Variants in GBP2 observed in about 807,000 individuals in gnomAD.
The protein encoded by GBP2 is guanylate-binding protein 2.
Under a neutral mutation model 60.8 loss-of-function variants are expected in GBP2, and 54 were observed. That is an observed-to-expected ratio of 0.89 (90% confidence interval 0.71 to 1.11). The LOEUF (loss-of-function observed/expected upper bound fraction) is 1.11, where lower values mean the gene tolerates loss of function less well. Among genes scored for constraint, GBP2 ranks in the 50% most tolerant of loss-of-function variants. The probability of loss-of-function intolerance (pLI) is 0.00; values close to 1 mark genes in which losing one functional copy is unlikely to be tolerated. For missense variants in GBP2, 665 were observed against 703.3 expected (o/e 0.95, Z 0.62); for synonymous variants, 243 against 256.5 (o/e 0.95, Z 0.50).
chr1:89,117,177 A>G lies in GBP2; in HGVS notation c.683T>C (p.Phe228Ser), dbSNP rs1464168932. ...GAAGACGAAGCACTTCCTCTTGGGGAAGAACTTTCGGATGCACAACCGAGG... is the reference window on the plus strand; with the variant it reads ...GAAGACGAAGCACTTCCTCTTGGGGGAGAACTTTCGGATGCACAACCGAGG... Reference protein sequence around the residue: ...NDPRLCIRKFFPKRKCFVFDW... With the variant: ...NDPRLCIRKFSPKRKCFVFDW... The change falls in exon 6 of 11, where the codon TTC (phenylalanine) becomes TCC (serine). Residue 228 changes from phenylalanine to serine, a missense_variant. Phe to Ser is a radical substitution (Grantham distance 155). Transcript: ENST00000370466. 6.2e-7 allele frequency: 1 copy of G among 1,614,170 alleles called. No homozygotes were observed. The highest frequency in any genetic ancestry group is 1.7e-5 in the Admixed American group (1 of 60,022).
Position 89,108,071 on chromosome 1 carries a change from TTTGAG to T in GBP2, c.*99_*103del, listed in dbSNP as rs1267701368. ...TCAACAAAAATGCATGCATCATGATTTTGAGTTAAGTTTAATGGCAGTTGTTTGAC... is the reference window on the plus strand; with the variant it reads ...TCAACAAAAATGCATGCATCATGATTTTAAGTTTAATGGCAGTTGTTTGAC... On this transcript the variant is annotated 3_prime_UTR_variant, in exon 11 of 11. Transcript: ENST00000370466. 17 of 675,094 alleles carry T rather than the reference TTTGAG, an allele frequency of 2.5e-5. No homozygotes were observed. The Admixed American group carries it at 2.7e-4, about 11-fold the overall frequency. The allele number at this position is 675,094 out of a possible 1,614,324, so 41.8% of individuals were successfully genotyped here. A position where few individuals can be genotyped will look rare whatever the true frequency, so the allele number is the denominator to read the frequency against.
At chr1:89,110,132 C>A (rs374892284) in intron 9 of GBP2, 32 bp downstream of exon 9, 2 of 1,498,600 alleles carry the variant, frequency 1.3e-6, no homozygotes, top group Non-Finnish European at 1.8e-6. Flanking sequence ...GAGAGCTTTC[C>A]GACCATGTAG....
At position 89,112,640 on chromosome 1, in the gene GBP2, G is replaced by A. The variant is rs781006190; in HGVS notation, c.1194C>T (p.Ser398=). The A allele has an allele frequency of 1.2e-6, 2 of 1,614,142 alleles. No individual in the cohort carries two copies. The highest frequency in any genetic ancestry group is 2.2e-5 in the East Asian group (1 of 44,882). The change falls in exon 8 of 11, where the codon TCC becomes TCT. Residue 398 remains serine, a synonymous_variant. Transcript: ENST00000370466. Reference sequence around the variant, plus strand: ...CCATGCAACAATCTGATGATGCTTTGGAATTCTGCTTACAAAAGTCATCTC... The same window carrying A: ...CCATGCAACAATCTGATGATGCTTTAGAATTCTGCTTACAAAAGTCATCTC... ...ARRDDFCKQN[S]KASSDCCMAL...
rs577843119 is a variant in GBP2, at chr1:89,112,893, C to T, written c.1150-209G>A. 232 of 570,320 alleles carry T rather than the reference C, an allele frequency of 4.1e-4. 3 individuals carry two copies. The South Asian group carries it at 4.9e-3, about 12-fold the overall frequency. 35.3% of individuals were successfully genotyped at this position (570,320 alleles called of 1,614,324 possible). On this transcript the variant is annotated intron_variant, in intron 7 of 10. Transcript: ENST00000370466. ...TCTCTGTTTGTGATTTCCTAAAGCT[C>T]CTTTCTCCCAGTTTTCCTGTTTCAG...
chr1:89,110,016 T>A (rs1367709550), intron 9 of GBP2, 146 bp from the exon 10 acceptor site: 6 of 925,354 alleles, frequency 6.5e-6, no homozygotes, highest in Non-Finnish European at 9.6e-6. Flanking sequence ...AAACCAATGA[T>A]CATACAGATT....
chr1:89,113,883 T>G (rs990833015), intron 7 of GBP2, 133 bp downstream of exon 7: 2 of 1,155,294 alleles, frequency 1.7e-6, no homozygotes, highest in African/African-American at 1.6e-5. Flanking sequence ...GCTATGCACA[T>G]TCTAGTCTTT....
chr1:89,109,910 A>C (rs377520747), intron 9 of GBP2, 40 bp from the exon 10 acceptor site: 9 of 1,539,088 alleles, frequency 5.8e-6, no homozygotes, highest in South Asian at 1.2e-5. Context: ...ATGAATATTC[A>C]ATTGTAGGTG....
At chr1:89,113,963 C>T in intron 7 of GBP2, 53 bp downstream of exon 7, 8 of 1,593,636 alleles carry the variant, frequency 5.0e-6, no homozygotes, top group Non-Finnish European at 6.0e-6. Flanking sequence ...AATTATTTTC[C>T]CATGAAGGGC....
In GBP2 at chr1:89,121,215, A is replaced by C. The variant is rs1400975914; in HGVS notation, c.246T>G (p.Cys82Trp). ...KSHTKGIWMW[C>W]VPHPKKPEHT... ...GTTCTGGCTTCTTGGGATGAGGCAC[A>C]CACCACATCCAGATTCCCTTGGTGT... Residue 82 changes from cysteine (C) to tryptophan (W), a missense_variant, in exon 3 of 11, where the codon TGT becomes TGG. Coordinates refer to ENST00000370466, the MANE Select transcript of GBP2 (RefSeq NM_004120.5). The C allele has an allele frequency of 1.2e-6, 2 of 1,612,212 alleles. No individual in the cohort carries two copies. The highest frequency in any genetic ancestry group is 2.2e-5 in the South Asian group (2 of 91,026).
intron 10 of GBP2, 68 bp from the exon 11 acceptor site, chr1:89,108,359 G>C: frequency 1.1e-6 from 1 of 937,882 alleles, no homozygotes; most frequent in Non-Finnish European, 1.7e-6. Flanking sequence ...TTCCCCTTTT[G>C]GTACTTATAT....
chr1:89,124,810 T>G lies in GBP2; in HGVS notation c.-18+1053A>C, dbSNP rs1321228858. ...TGTAGAAAATCTGCTGATTTTTTAC[T>G]CAATTATGTTACCAGATTTTAACCT... On this transcript the variant is annotated intron_variant, in intron 1 of 10. Transcript: ENST00000370466. Among the ~76,000 whole-genome samples the G allele has an allele frequency of 2.6e-5, 4 of 152,242 alleles. No homozygotes were observed. In the South Asian group the frequency reaches 8.3e-4, roughly 31 times the overall value.
chr1:89,121,224 C>T lies in GBP2; in HGVS notation c.237G>A (p.Trp79Ter). 1 of 1,612,370 alleles carries T rather than the reference C, an allele frequency of 6.2e-7. No homozygotes were observed. The highest frequency in any genetic ancestry group is 1.1e-5 in the South Asian group (1 of 90,976). The change falls in exon 3 of 11, where the codon TGG (tryptophan) becomes TGA (stop). Residue 79 changes from tryptophan to a stop codon, truncating the protein, a stop_gained. Transcript: ENST00000370466. LOFTEE classifies it high-confidence loss of function. ...TCTTGGGATGAGGCACACACCACAT[C>T]CAGATTCCCTTGGTGTGAGACTTCA... Reference protein sequence around the residue: ...STVKSHTKGIWMWCVPHPKKP... With the variant: ...STVKSHTKGI
chr1:89,123,129 G>A (rs1168653289), intron 1 of GBP2, among the ~76,000 whole-genome samples: 1 of 152,126 alleles, frequency 6.6e-6, no homozygotes, highest in Middle Eastern at 3.2e-3. Flanking sequence ...TTTTCAGTGC[G>A]TCTTTCCTTC....
chr1:89,122,586 T>C (rs973553795), intron 1 of GBP2, among the ~76,000 whole-genome samples: 1 of 152,202 alleles, frequency 6.6e-6, no homozygotes, highest in Non-Finnish European at 1.5e-5. Context: ...GTTCTGCCAT[T>C]TTCAGTGTCT....
intron 3 of GBP2, 21 bp downstream of exon 3, chr1:89,121,122 T>A (rs761326031): frequency 1.2e-6 from 2 of 1,603,828 alleles, no homozygotes; most frequent in Non-Finnish European, 1.7e-6. Flanking sequence ...GTGAAATTTT[T>A]AAAATACTTA....
chr1:89,117,127 G>A lies in GBP2; in HGVS notation c.733C>T (p.Leu245Phe). ...TCCTTTAGCTGCTCTAGGTGAGCAA[G>A]GTACTTCTTAGGAGCGGGCCAATCG... ...VFDWPAPKKY[L>F]AHLEQLKEEE... Residue 245 changes from leucine (L) to phenylalanine (F), a missense_variant, in exon 6 of 11, where the codon CTT (leucine) becomes TTT (phenylalanine). Transcript: ENST00000370466. 3.7e-6 allele frequency: 6 copies of A among 1,614,152 alleles called. No individual in the cohort carries two copies. The highest frequency in any genetic ancestry group is 5.1e-6 in the Non-Finnish European group (6 of 1,180,032).
chr1:89,110,082 T>C (rs1456076887), intron 9 of GBP2, 82 bp downstream of exon 9: 3 of 1,067,166 alleles, frequency 2.8e-6, no homozygotes, highest in East Asian at 4.7e-5. Flanking sequence ...TTCTCTACAA[T>C]AATAATTCCA....
At chr1:89,109,024 T>C (rs528509808) in intron 10 of GBP2, among the ~76,000 whole-genome samples, 55 of 152,210 alleles carry the variant, frequency 3.6e-4, no homozygotes, top group Non-Finnish European at 4.9e-4. Context: ...GCCTCCTGCA[T>C]AGCTGGGATT....
At chr1:89,109,065 T>C (rs1022361298) in intron 10 of GBP2, among the ~76,000 whole-genome samples, 2 of 152,106 alleles carry the variant, frequency 1.3e-5, no homozygotes. Flanking sequence ...CCAGCTAATT[T>C]TGTATTTTTG....
Sources: allele counts gnomAD v4.1 joint callset (sites outside exome capture counted in the v4.1 genomes callset), GRCh38; gene constraint gnomAD v4.1.1; transcripts MANE v1.5; gene names NCBI Gene and HGNC (gene_info 2026-07-23, HGNC 2026-07-21).